Variants in MYRIP observed in about 807,000 individuals in gnomAD.
MYRIP encodes rab effector MyRIP.
MYRIP carries 49 observed loss-of-function variants against 98.0 expected under a neutral mutation model. The ratio of observed to expected loss-of-function variants is 0.50; its 90% confidence interval spans 0.40 to 0.63. MYRIP has a LOEUF of 0.63. Ranked by LOEUF, MYRIP falls within the 30% of genes least tolerant of loss-of-function variation. The probability of loss-of-function intolerance (pLI) is 0.00; values close to 1 mark genes in which losing one functional copy is unlikely to be tolerated. For missense variants in MYRIP, 1,004 were observed against 1,058.2 expected, an observed-to-expected ratio of 0.95 and a Z score of 0.71; for synonymous variants, 404 against 409.5, an observed-to-expected ratio of 0.99 and a Z score of 0.16.
intron 1 of MYRIP, among the ~76,000 whole-genome samples, chr3:39,871,691 A>G (rs991846136): frequency 2.6e-5 from 4 of 152,182 alleles, no homozygotes; most frequent in Non-Finnish European, 4.4e-5. Context: ...TATCATTATT[A>G]TTAATGATTA....
At chr3:40,132,760 C>A (rs928254777) in intron 3 of MYRIP, among the ~76,000 whole-genome samples, 2 of 152,268 alleles carry the variant, frequency 1.3e-5, no homozygotes, top group African/African-American at 4.8e-5. Context: ...GGTGCAGAAT[C>A]TCTGCCTAAC....
intron 3 of MYRIP, among the ~76,000 whole-genome samples, chr3:40,094,862 C>G (rs1210729614): frequency 6.6e-6 from 1 of 152,214 alleles, no homozygotes; most frequent in Non-Finnish European, 1.5e-5. Flanking sequence ...GCTGCAGTTT[C>G]AGACTTCTTA....
intron 2 of MYRIP, among the ~76,000 whole-genome samples, chr3:39,979,102 A>T (rs1190407228): frequency 6.6e-6 from 1 of 152,150 alleles, no homozygotes; most frequent in Admixed American, 6.5e-5. Flanking sequence ...AGTTTTTCAT[A>T]CAGTAGAGCT....
intron 2 of MYRIP, among the ~76,000 whole-genome samples, chr3:39,911,061 C>G (rs545690426): frequency 5.3e-5 from 8 of 152,178 alleles, no homozygotes; most frequent in Non-Finnish European, 1.0e-4. Context: ...ATATTCATGA[C>G]AAAGAGTTTA....
intron 2 of MYRIP, among the ~76,000 whole-genome samples, chr3:39,906,613 C>T (rs1294952309): frequency 6.6e-6 from 1 of 152,174 alleles, no homozygotes; most frequent in East Asian, 1.9e-4. Flanking sequence ...TTTATTCTCT[C>T]AGTTATGTAA....
At chr3:40,142,589 A>G (rs949693043) in intron 3 of MYRIP, among the ~76,000 whole-genome samples, 3 of 151,972 alleles carry the variant, frequency 2.0e-5, no homozygotes, top group Admixed American at 2.0e-4. Flanking sequence ...CAGCCTCTGG[A>G]GTAGCTGGGA....
intron 2 of MYRIP, among the ~76,000 whole-genome samples, chr3:39,983,855 T>A (rs1217794658): frequency 2.0e-5 from 3 of 152,218 alleles, no homozygotes; most frequent in African/African-American, 7.2e-5. Flanking sequence ...AAATTTAATC[T>A]AAAATTAGGT....
intron 3 of MYRIP, among the ~76,000 whole-genome samples, chr3:40,087,239 A>C (rs991037054): frequency 6.6e-6 from 1 of 151,990 alleles, no homozygotes; most frequent in African/African-American, 2.4e-5. Context: ...CTCCAAAACC[A>C]CACTTTCTCC....
rs1260081686 is a variant in MYRIP at position 39,955,322 on chromosome 3, G to GCT, written c.110+54396_110+54397insCT. Reference sequence around the variant, plus strand: ...AAGGGAAGCCCATCAGACTAACAATGGATCTCTCTGCAGAAACTCTACAAG... The same window carrying GCT: ...AAGGGAAGCCCATCAGACTAACAATGCTGATCTCTCTGCAGAAACTCTACAAG... On this transcript the variant is annotated intron_variant, in intron 2 of 16. Transcript: ENST00000302541. 1.5e-3 allele frequency among the ~76,000 whole-genome samples: 228 copies of GCT among 152,284 alleles called. No homozygotes were observed. The Middle Eastern group carries it at 0.024, about 16-fold the overall frequency.
At chr3:39,919,693 GGT>G (rs62719862) in intron 2 of MYRIP, among the ~76,000 whole-genome samples, 30,520 of 142,780 alleles carry the variant, frequency 0.21, 3,290 homozygotes, top group South Asian at 0.24. Flanking sequence ...GGGTATGTGT[GGT>G]GTGTGTGTGT....
intron 2 of MYRIP, among the ~76,000 whole-genome samples, chr3:39,914,295 A>T (rs1362017665): frequency 1.3e-5 from 2 of 152,210 alleles, no homozygotes; most frequent in Non-Finnish European, 2.9e-5. Flanking sequence ...GCTAATATGC[A>T]TACAGACAGC....
At chr3:40,074,534 G>C (rs930232191) in intron 3 of MYRIP, among the ~76,000 whole-genome samples, 1 of 152,032 alleles carries the variant, frequency 6.6e-6, no homozygotes, top group African/African-American at 2.4e-5. Flanking sequence ...TAATATAAAA[G>C]AAGAACGAAA....
chr3:40,230,630 G>T (rs1952625071), intron 11 of MYRIP, among the ~76,000 whole-genome samples: 1 of 152,072 alleles, frequency 6.6e-6, no homozygotes, highest in Admixed American at 6.5e-5. Context: ...GTAGGTGCAT[G>T]GTCCACACCC....
intron 10 of MYRIP, among the ~76,000 whole-genome samples, chr3:40,199,446 T>TGTGA (rs1951491046): frequency 6.6e-6 from 1 of 152,126 alleles, no homozygotes. Flanking sequence ...CTCCCTGTTT[T>TGTGA]GTGAGTGTTG....
intron 3 of MYRIP, among the ~76,000 whole-genome samples, chr3:40,100,478 T>A (rs1948924253): frequency 2.0e-5 from 3 of 152,216 alleles, no homozygotes; most frequent in South Asian, 2.1e-4. Context: ...TTTAAACCAT[T>A]GGCTCTATTT....
chr3:40,231,126 G>A (rs932685277), intron 11 of MYRIP, among the ~76,000 whole-genome samples: 5 of 152,180 alleles, frequency 3.3e-5, no homozygotes, highest in Admixed American at 6.5e-5. Context: ...CGCCCAGCCC[G>A]TTCAGTCACT....
At chr3:39,933,028 G>C (rs995450956) in intron 2 of MYRIP, among the ~76,000 whole-genome samples, 2 of 152,292 alleles carry the variant, frequency 1.3e-5, no homozygotes, top group Non-Finnish European at 2.9e-5. Flanking sequence ...CTAGAATAAG[G>C]GGTCCTCTGA....
intron 8 of MYRIP, among the ~76,000 whole-genome samples, chr3:40,177,230 G>T (rs562653254): frequency 1.3e-5 from 2 of 152,236 alleles, no homozygotes; most frequent in East Asian, 3.9e-4. Context: ...TGCATCACCT[G>T]CCCAAGCCCT....
At chr3:40,117,609 C>T (rs909037248) in intron 3 of MYRIP, among the ~76,000 whole-genome samples, 2 of 152,176 alleles carry the variant, frequency 1.3e-5, no homozygotes, top group South Asian at 4.1e-4. Context: ...CCATTATCAT[C>T]AATACAGCAT....
Sources: gnomAD v4.1 joint callset for allele counts (sites outside exome capture counted in the v4.1 genomes callset) on GRCh38, gnomAD v4.1.1 for gene constraint, MANE v1.5 for transcripts, NCBI Gene and HGNC (gene_info 2026-07-23, HGNC 2026-07-21) for gene names.